CD47: variants seen among roughly 807,000 people sequenced by gnomAD.
The protein encoded by CD47 is leukocyte surface antigen CD47.
Under a neutral mutation model 44.6 loss-of-function variants are expected in CD47, and 11 were observed. The ratio of observed to expected loss-of-function variants is 0.25; its 90% CI spans 0.16 to 0.41. The LOEUF (loss-of-function observed/expected upper bound fraction) is 0.41, where lower values mean the gene tolerates loss of function less well. Among genes scored for constraint, CD47 ranks in the 10% least tolerant of loss-of-function variants. CD47 has a pLI of 1.00. For missense variants in CD47, 306 were observed against 386.7 expected (o/e 0.79, Z 1.75); for synonymous variants, 140 against 136.3 (o/e 1.03, Z -0.19).
At position 108,045,477 on chromosome 3, in the gene CD47, A is replaced by C. The variant is rs528056368; in HGVS notation, c.*1811T>G. On this transcript the variant is annotated 3_prime_UTR_variant, in exon 11 of 11. Transcript: ENST00000361309. ...CCCTCTATATATGTTATTATTTTGG[A>C]CAGCTACACAATCAAGGAAGAATAT... 6.5e-6 allele frequency: 1 copy of C among 152,728 alleles called. No individual in the cohort carries two copies. The highest frequency in any genetic ancestry group is 1.5e-5 in the Non-Finnish European group (1 of 68,018). 9.5% of individuals were successfully genotyped at this position (152,728 alleles called of 1,614,324 possible). A position where few individuals can be genotyped will look rare whatever the true frequency, so the allele number is the denominator to read the frequency against.
chr3:108,055,041 CATCTT>C (rs2078890460), intron 7 of CD47, among the ~76,000 whole-genome samples: 1 of 151,940 alleles, frequency 6.6e-6, no homozygotes, highest in Non-Finnish European at 1.5e-5. Flanking sequence ...TCCTTTTTCT[CATCTT>C]ATAAAATTAA....
In CD47 at chr3:108,045,423, C is replaced by T. The variant is rs1255771210; in HGVS notation, c.*1865G>A. 1.3e-5 allele frequency: 2 copies of T among 152,460 alleles called. No individual in the cohort carries two copies. Among genetic ancestry groups the T allele is most frequent in the Non-Finnish European group, 2.9e-5 (2 of 68,012 alleles). 9.4% of individuals were successfully genotyped at this position (152,460 alleles called of 1,614,324 possible). ...TCAGAAGGAAAAAGTGCTGCAGGAG[C>T]CATCAGATTTGTATAAAGGAATACA... is the stretch of plus-strand genomic sequence containing the variant. On this transcript the variant is annotated 3_prime_UTR_variant, in exon 11 of 11. Transcript: ENST00000361309.
At chr3:108,075,173 G>C (rs1173607095) in intron 2 of CD47, among the ~76,000 whole-genome samples, 2 of 152,168 alleles carry the variant, frequency 1.3e-5, no homozygotes, top group African/African-American at 2.4e-5. Flanking sequence ...GCTGACAACT[G>C]TGTCTATCAC....
rs1391761408 is a variant in CD47, at chr3:108,043,878, A to G, written c.*3410T>C. On this transcript the variant is annotated 3_prime_UTR_variant, in exon 11 of 11. Coordinates refer to ENST00000361309, the MANE Select transcript of CD47 (RefSeq NM_001777.4). ...AAAACTGCCTGGTCACTCACTGCTC[A>G]TCTCTTCAAAGTTACCTGGATTATC... 2.6e-5 allele frequency: 4 copies of G among 152,652 alleles called. No homozygotes were observed. The highest frequency in any genetic ancestry group is 4.4e-5 in the Non-Finnish European group (3 of 68,034). 9.5% of individuals were successfully genotyped at this position (152,652 alleles called of 1,614,324 possible).
At chr3:108,066,657 A>AT in intron 3 of CD47, among the ~76,000 whole-genome samples, 1 of 152,240 alleles carries the variant, frequency 6.6e-6, no homozygotes, top group African/African-American at 2.4e-5. Flanking sequence ...TCAAAAGAGG[A>AT]AACTAGGCAA....
chr3:108,071,386 T>A (rs1341290028), intron 2 of CD47, among the ~76,000 whole-genome samples: 1 of 152,236 alleles, frequency 6.6e-6, no homozygotes, highest in Non-Finnish European at 1.5e-5. Context: ...TATTTATGAA[T>A]AAAAACTACA....
At chr3:108,065,887 C>A (rs1170432552) in intron 3 of CD47, among the ~76,000 whole-genome samples, 1 of 148,484 alleles carries the variant, frequency 6.7e-6, no homozygotes, top group Non-Finnish European at 1.5e-5. Context: ...TTACCAGGGG[C>A]CATCAACCAG....
chr3:108,051,753 C>T (rs762814380), intron 8 of CD47, 186 bp downstream of exon 8: 2 of 682,138 alleles, frequency 2.9e-6, no homozygotes, highest in African/African-American at 3.5e-5. Flanking sequence ...CCCATTGACA[C>T]TAAAATGACC....
At chr3:108,048,954 TAA>T (rs2078770982) in intron 10 of CD47, among the ~76,000 whole-genome samples, 1 of 152,090 alleles carries the variant, frequency 6.6e-6, no homozygotes, top group African/African-American at 2.4e-5. Flanking sequence ...AAAACCAAAA[TAA>T]ATGCTTGTAG....
rs552057801 is a variant in CD47, at chr3:108,052,680, C to T, written c.878-710G>A. On this transcript the variant is annotated intron_variant, in intron 7 of 10. Transcript: ENST00000361309. ...AAAAAAAACAAATGAGAAGGCTGGC[C>T]GTGGTGGCTCATGCCTGTAATCCCA... 3.3e-5 allele frequency: 5 copies of T among 152,396 alleles called. No individual in the cohort carries two copies. The South Asian group carries it at 8.3e-4, about 25-fold the overall frequency. 9.4% of individuals were successfully genotyped at this position (152,396 alleles called of 1,614,324 possible).
chr3:108,051,883 C>T (rs2078835403), intron 8 of CD47, 56 bp downstream of exon 8: 2 of 1,339,420 alleles, frequency 1.5e-6, no homozygotes, highest in Admixed American at 1.7e-5. Context: ...TACCAAGTTC[C>T]TCAGTCTAAT....
intron 2 of CD47, among the ~76,000 whole-genome samples, chr3:108,077,703 C>T (rs1030781934): frequency 3.3e-5 from 5 of 151,662 alleles, no homozygotes; most frequent in African/African-American, 1.2e-4. Flanking sequence ...CTATGGACTA[C>T]TACTCAGCAA....
intron 1 of CD47, among the ~76,000 whole-genome samples, chr3:108,087,697 T>G (rs1347961017): frequency 6.6e-6 from 1 of 152,168 alleles, no homozygotes; most frequent in Non-Finnish European, 1.5e-5. Flanking sequence ...TGATATATAT[T>G]CAAATATGCA....
At chr3:108,087,561 C>T (rs1353296113) in intron 1 of CD47, among the ~76,000 whole-genome samples, 1 of 152,092 alleles carries the variant, frequency 6.6e-6, no homozygotes, top group Admixed American at 6.6e-5. Flanking sequence ...TGTCTATATG[C>T]CAAAGAGGGC....
At chr3:108,048,448 G>A (rs1419104074) in intron 10 of CD47, among the ~76,000 whole-genome samples, 2 of 129,508 alleles carry the variant, frequency 1.5e-5, no homozygotes, top group African/African-American at 5.8e-5. Flanking sequence ...GTAGTGGCAC[G>A]ATCTTGGCTC....
rs1353608728 is a variant in CD47, at chr3:108,043,988, T to C, written c.*3300A>G. On this transcript the variant is annotated 3_prime_UTR_variant, in exon 11 of 11. Transcript: ENST00000361309. ...TTTTAAAATATGACACAAGTAAAAC[T>C]GTTTATAAAAAAATCCCTCAACCAA... 6.6e-6 allele frequency: 1 copy of C among 152,644 alleles called. No individual in the cohort carries two copies. The highest frequency in any genetic ancestry group is 1.9e-4 in the East Asian group (1 of 5,192). The allele number at this position is 152,644 out of a possible 1,614,324, so 9.5% of individuals were successfully genotyped here.
chr3:108,044,759 AAGG>A lies in CD47; in HGVS notation c.*2526_*2528del, dbSNP rs2078693838. The A allele has an allele frequency of 6.6e-6, 1 of 152,300 alleles. No homozygotes were observed. 9.4% of individuals were successfully genotyped at this position (152,300 alleles called of 1,614,324 possible). A position where few individuals can be genotyped will look rare whatever the true frequency, so the allele number is the denominator to read the frequency against. On this transcript the variant is annotated 3_prime_UTR_variant, in exon 11 of 11. Coordinates refer to ENST00000361309, the MANE Select transcript of CD47 (RefSeq NM_001777.4). Reference sequence around the variant, plus strand: ...AGGAACTGCAAAGGAGAATGTTTTGAAGGAGAAGACAAATAGAATTTGGCAAAA... The same window carrying A: ...AGGAACTGCAAAGGAGAATGTTTTGAAGAAGACAAATAGAATTTGGCAAAA...
intron 2 of CD47, among the ~76,000 whole-genome samples, chr3:108,074,640 T>C (rs1471172495): frequency 1.4e-5 from 2 of 147,630 alleles, no homozygotes; most frequent in South Asian, 2.2e-4. Flanking sequence ...AACTGGAACT[T>C]ATCAGTTTGT....
At chr3:108,061,776 G>A (rs2108237965) in intron 3 of CD47, among the ~76,000 whole-genome samples, 1 of 152,312 alleles carries the variant, frequency 6.6e-6, no homozygotes, top group Middle Eastern at 3.4e-3. Flanking sequence ...GAAACAGCGT[G>A]TGATTGAAAT....
Sources: allele counts gnomAD v4.1 joint callset (sites outside exome capture counted in the v4.1 genomes callset), GRCh38; gene constraint gnomAD v4.1.1; transcripts MANE v1.5; gene names NCBI Gene and HGNC (gene_info 2026-07-23, HGNC 2026-07-21).